ZPR1: variants seen among roughly 807,000 people sequenced by gnomAD.
ZPR1 encodes the protein ZPR1 zinc finger, also known as zinc finger protein ZPR1.
A neutral mutation model predicts 59.6 loss-of-function variants in ZPR1; 37 were observed. The observed-to-expected ratio is 0.62, with a 90% CI of 0.48 to 0.82. ZPR1 has a LOEUF of 0.82. ZPR1 is among the 40% of genes least tolerant of loss of function. The probability of loss-of-function intolerance (pLI) is 0.00; values close to 1 mark genes in which losing one functional copy is unlikely to be tolerated. For missense variants in ZPR1, 527 were observed against 579.9 expected, an observed-to-expected ratio of 0.91 and a Z score of 0.94; for synonymous variants, 191 against 215.2, an observed-to-expected ratio of 0.89 and a Z score of 0.99.
In ZPR1 at chr11:116,779,897, A is replaced by G. The variant is rs188883719; in HGVS notation, c.1180-60T>C. 1.4e-3 allele frequency: 450 copies of G among 328,528 alleles called. 2 individuals carry two copies. The highest frequency in any genetic ancestry group is 0.011 in the African/African-American group (417 of 38,358). The allele number at this position is 328,528 out of a possible 1,614,324, so 20.4% of individuals were successfully genotyped here. ...ACATAACCCCTGGTAAAAAGAGGCT[A>G]TGTCGGGGGAGGGGGGAGGGATAGC... is the stretch of plus-strand genomic sequence containing the variant. On this transcript the variant is annotated intron_variant, in intron 12 of 13. Transcript: ENST00000227322.
At position 116,775,661 on chromosome 11, in the gene ZPR1, A is replaced by AAAAAAAAAC. The variant is rs1940714032; in HGVS notation, c.*3263_*3264insGTTTTTTTT. On this transcript the variant is annotated 3_prime_UTR_variant, in exon 14 of 14. Coordinates refer to ENST00000227322, the MANE Select transcript of ZPR1 (RefSeq NM_003904.5). ...AAAAAAAAAAAAAAAAAAAAAAAAA[A>AAAAAAAAAC]AGCTCTGCTTCCTTCTGGAAGTAAC... is the stretch of plus-strand genomic sequence containing the variant. 1 of 141,058 alleles carries AAAAAAAAAC rather than the reference A, an allele frequency of 7.1e-6. No homozygotes were observed. Among genetic ancestry groups the AAAAAAAAAC allele is most frequent in the Non-Finnish European group, 1.6e-5 (1 of 61,376 alleles). The allele number at this position is 141,058 out of a possible 1,614,324, so 8.7% of individuals were successfully genotyped here.
chr11:116,777,016 T>C lies in ZPR1; in HGVS notation c.*1909A>G, dbSNP rs548508571. 4.6e-4 allele frequency: 70 copies of C among 152,322 alleles called. No individual in the cohort carries two copies. The highest frequency in any genetic ancestry group is 1.7e-3 in the African/African-American group (70 of 41,564). 9.4% of individuals were successfully genotyped at this position (152,322 alleles called of 1,614,324 possible). Reference sequence around the variant, plus strand: ...CCAAACACCTTACTCTCGCCCTCACTTACAGAAATTAGAGATACAGGTATG... The same window carrying C: ...CCAAACACCTTACTCTCGCCCTCACCTACAGAAATTAGAGATACAGGTATG... On this transcript the variant is annotated 3_prime_UTR_variant, in exon 14 of 14. Transcript: ENST00000227322.
chr11:116,779,721 G>A (rs1319398035), intron 13 of ZPR1, 51 bp downstream of exon 13: 10 of 1,342,192 alleles, frequency 7.5e-6, no homozygotes, highest in Non-Finnish European at 8.5e-6. Flanking sequence ...ACATATTCAA[G>A]GAAGATCAGA....
chr11:116,787,540 G>C lies in ZPR1; in HGVS notation c.275C>G (p.Ser92Trp), dbSNP rs1940906923. The stretch of plus-strand genomic sequence containing the variant: ...TCCCTGGTCCTGGATCCTGCCTGCC[G>C]ACTGGATCTCCGTGTTGTTCCAGCC... Reference protein sequence around the residue: ...HCGWNNTEIQSAGRIQDQGVR... With the variant: ...HCGWNNTEIQWAGRIQDQGVR... Residue 92 changes from serine to tryptophan, a missense_variant, in exon 2 of 14, where the codon TCG becomes TGG. Ser to Trp is a radical substitution (Grantham distance 177). Transcript: ENST00000227322. 6.2e-7 allele frequency: 1 copy of C among 1,614,104 alleles called. No individual in the cohort carries two copies. Among genetic ancestry groups the C allele is most frequent in the African/African-American group, 1.3e-5 (1 of 74,942 alleles).
intron 4 of ZPR1, 53 bp downstream of exon 4, chr11:116,786,456 ACT>A (rs1940887642): frequency 6.3e-7 from 1 of 1,597,996 alleles, no homozygotes; most frequent in Non-Finnish European, 8.6e-7. Context: ...CACATGGGAC[ACT>A]CTATATAAGC....
intron 12 of ZPR1, 114 bp from the exon 13 acceptor site, chr11:116,779,951 T>TA (rs1055019791): frequency 2.4e-6 from 1 of 421,142 alleles, no homozygotes; most frequent in Non-Finnish European, 4.3e-6. Flanking sequence ...TGTAAATGAC[T>TA]AGTTAATGGG....
At chr11:116,786,830 TTAAC>T (rs1345697850) in intron 3 of ZPR1, 135 bp downstream of exon 3, 29 of 776,794 alleles carry the variant, frequency 3.7e-5, no homozygotes, top group Non-Finnish European at 6.2e-5. Flanking sequence ...CCACTCATGA[TTAAC>T]TAATGAAGAT....
chr11:116,782,847 TG>T, intron 11 of ZPR1, 71 bp downstream of exon 11: 1 of 1,235,872 alleles, frequency 8.1e-7, no homozygotes, highest in Non-Finnish European at 1.2e-6. Flanking sequence ...TTAGGATGTC[TG>T]AAGTCTTCCA....
chr11:116,784,910 G>A lies in ZPR1; in HGVS notation c.765C>T (p.Phe255=), dbSNP rs768159005. 6.2e-7 allele frequency: 1 copy of A among 1,614,168 alleles called. No homozygotes were observed. The highest frequency in any genetic ancestry group is 1.7e-5 in the Admixed American group (1 of 60,024). ...EEDLRNEVLQ[F]STNCPECNAP... Reference sequence around the variant, plus strand: ...CATTGCATTCTGGGCAGTTTGTGCTGAACTGGAGCACCTGGAACACAACAT... The same window carrying A: ...CATTGCATTCTGGGCAGTTTGTGCTAAACTGGAGCACCTGGAACACAACAT... Residue 255 remains phenylalanine, a synonymous_variant, in exon 8 of 14, where the codon TTC becomes TTT. Coordinates refer to ENST00000227322, the MANE Select transcript of ZPR1 (RefSeq NM_003904.5).
chr11:116,782,822 T>A, intron 11 of ZPR1, 97 bp downstream of exon 11: 1 of 943,792 alleles, frequency 1.1e-6, no homozygotes. Flanking sequence ...AACCCACAGT[T>A]ACCAGCACCG....
chr11:116,783,134 C>A, intron 10 of ZPR1, 105 bp from the exon 11 acceptor site: 2 of 792,118 alleles, frequency 2.5e-6, no homozygotes, highest in Non-Finnish European at 4.2e-6. Context: ...CGGACAAGGG[C>A]AGCTGTCTCA....
intron 4 of ZPR1, 44 bp from the exon 5 acceptor site, chr11:116,785,926 T>C: frequency 6.5e-7 from 1 of 1,548,302 alleles, no homozygotes; most frequent in Non-Finnish European, 8.9e-7. Context: ...GTGGTGTACC[T>C]TATGCCCTGC....
Position 116,784,358 on chromosome 11 carries a change from A to G in ZPR1, c.891+20T>C. 2 of 1,613,696 alleles carry G rather than the reference A, an allele frequency of 1.2e-6. No homozygotes were observed. Among genetic ancestry groups the G allele is most frequent in the Middle Eastern group, 3.4e-4 (2 of 5,808 alleles). On this transcript the variant is annotated intron_variant, in intron 9 of 13. Transcript: ENST00000227322. Reference sequence around the variant, plus strand: ...TTACCCTTAAGCTAGTCTTCTTCCCAAATAATGGCGCCCACCCACCTCATT... The same window carrying G: ...TTACCCTTAAGCTAGTCTTCTTCCCGAATAATGGCGCCCACCCACCTCATT...
At chr11:116,783,094 T>G (rs1159935879) in intron 10 of ZPR1, 65 bp from the exon 11 acceptor site, 6 of 1,202,530 alleles carry the variant, frequency 5.0e-6, no homozygotes, top group Admixed American at 1.7e-5. Context: ...AGAGGCCTCC[T>G]GCCCAATTAA....
At position 116,778,349 on chromosome 11, in the gene ZPR1, T is replaced by G. The variant is rs1940751046; in HGVS notation, c.*576A>C. 6.6e-6 allele frequency: 1 copy of G among 152,334 alleles called. No homozygotes were observed. Among genetic ancestry groups the G allele is most frequent in the Non-Finnish European group, 1.5e-5 (1 of 68,156 alleles). The allele number at this position is 152,334 out of a possible 1,614,324, so 9.4% of individuals were successfully genotyped here. ...TTAAATGCCAGCTGCAATCCCCAAA[T>G]TACAGTAGATACACGGGAAAATTTT... On this transcript the variant is annotated 3_prime_UTR_variant, in exon 14 of 14. Coordinates refer to ENST00000227322, the MANE Select transcript of ZPR1 (RefSeq NM_003904.5).
intron 5 of ZPR1, 63 bp from the exon 6 acceptor site, chr11:116,785,699 A>C: frequency 3.1e-6 from 5 of 1,613,470 alleles, no homozygotes; most frequent in East Asian, 4.5e-5. Context: ...TACATCACCT[A>C]CTATCAGACC....
Position 116,787,570 on chromosome 11 carries a change from T to C in ZPR1, c.245A>G (p.His82Arg), listed in dbSNP as rs988697934. 1 of 1,614,238 alleles carries C rather than the reference T, an allele frequency of 6.2e-7. No homozygotes were observed. Among genetic ancestry groups the C allele is most frequent in the Non-Finnish European group, 8.5e-7 (1 of 1,180,034 alleles). Residue 82 changes from histidine (H) to arginine (R), a missense_variant, in exon 2 of 14, where the codon CAC becomes CGC. Physicochemically the swap from His to Arg is conservative, Grantham distance 29 (BLOSUM62 0). Coordinates refer to ENST00000227322, the MANE Select transcript of ZPR1 (RefSeq NM_003904.5). Reference protein sequence around the residue: ...EIIVSSFSCEHCGWNNTEIQS... With the variant: ...EIIVSSFSCERCGWNNTEIQS... ...GATCTCCGTGTTGTTCCAGCCACAG[T>C]GCTCGCAGGAAAAGGAGCTCACTAT...
Position 116,776,156 on chromosome 11 carries a change from A to G in ZPR1, c.*2769T>C, listed in dbSNP as rs1940720096. On this transcript the variant is annotated 3_prime_UTR_variant, in exon 14 of 14. Coordinates refer to ENST00000227322, the MANE Select transcript of ZPR1 (RefSeq NM_003904.5). ...ACCTGTATGTTCGTCCACACGTCTAATGACCGAACATGGCTGCATTTCACA... is the reference window on the plus strand; with the variant it reads ...ACCTGTATGTTCGTCCACACGTCTAGTGACCGAACATGGCTGCATTTCACA... 6.6e-6 allele frequency: 1 copy of G among 152,256 alleles called. No homozygotes were observed. Among genetic ancestry groups the G allele is most frequent in the African/African-American group, 2.4e-5 (1 of 41,458 alleles). The allele number at this position is 152,256 out of a possible 1,614,324, so 9.4% of individuals were successfully genotyped here. A position where few individuals can be genotyped will look rare whatever the true frequency, so the allele number is the denominator to read the frequency against.
At chr11:116,783,439 G>T in intron 10 of ZPR1, 91 bp downstream of exon 10, 1 of 1,149,924 alleles carries the variant, frequency 8.7e-7, no homozygotes, top group Non-Finnish European at 1.3e-6. Context: ...TCATGTCCCT[G>T]AACATTATTT....
Sources: allele counts gnomAD v4.1 joint callset, GRCh38; gene constraint gnomAD v4.1.1; transcripts MANE v1.5; gene names NCBI Gene and HGNC (gene_info 2026-07-23, HGNC 2026-07-21).